The following RELN variants were observed in gnomAD, a reference collection of about 807,000 sequenced individuals.
RELN encodes reelin.
Under a neutral mutation model 427.6 loss-of-function variants are expected in RELN, and 108 were observed. That is an observed-to-expected ratio of 0.25 (90% CI 0.22 to 0.30). The LOEUF is 0.30. RELN is among the 10% of genes least tolerant of loss of function. RELN has a pLI of 1.00. For synonymous variants in RELN, 1,524 were observed against 1,513.4 expected (o/e 1.01, Z -0.16); for missense variants, 3,715 against 4,302.8 (o/e 0.86, Z 3.82).
chr7:103,854,070 T>C (rs1367155682), intron 2 of RELN, among the ~76,000 whole-genome samples: 5 of 152,164 alleles, frequency 3.3e-5, no homozygotes, highest in African/African-American at 1.2e-4. Context: ...TGTATCGAAA[T>C]GTCACTCTGT....
chr7:103,838,208 C>CAAGAAAAAAAAAAAA (rs1491227842), intron 2 of RELN, among the ~76,000 whole-genome samples: 1 of 81,082 alleles, frequency 1.2e-5, no homozygotes, highest in African/African-American at 5.1e-5. Flanking sequence ...GACTTCGTCT[C>CAAGAAAAAAAAAAAA]AAAAAAAAAA....
chr7:103,780,068 C>G (rs939592445), intron 3 of RELN, among the ~76,000 whole-genome samples: 1 of 152,200 alleles, frequency 6.6e-6, no homozygotes, highest in Non-Finnish European at 1.5e-5. Context: ...GACTTGTATT[C>G]TCTACTCCAA....
intron 34 of RELN, among the ~76,000 whole-genome samples, chr7:103,564,713 A>T (rs1038660415): frequency 2.6e-5 from 4 of 152,158 alleles, no homozygotes; most frequent in Admixed American, 6.5e-5. Context: ...CAGGAGGTAC[A>T]GCCTCTAACC....
intron 17 of RELN, among the ~76,000 whole-genome samples, chr7:103,638,857 TA>T (rs1419289082): frequency 1.3e-5 from 2 of 152,222 alleles, no homozygotes; most frequent in African/African-American, 4.8e-5. Flanking sequence ...ATGGTAGCCT[TA>T]ATGAAACCAC....
chr7:103,520,373 T>A (rs911134878), intron 48 of RELN, among the ~76,000 whole-genome samples: 2 of 152,102 alleles, frequency 1.3e-5, no homozygotes, highest in Non-Finnish European at 2.9e-5. Context: ...TCTCCTGGGT[T>A]CAAGTGATTC....
intron 12 of RELN, among the ~76,000 whole-genome samples, chr7:103,660,096 AC>A (rs1833106318): frequency 6.6e-6 from 1 of 152,166 alleles, no homozygotes; most frequent in African/African-American, 2.4e-5. Context: ...TATAATGATG[AC>A]TTAATCTCAT....
chr7:103,924,986 A>G (rs1372948098), intron 1 of RELN, among the ~76,000 whole-genome samples: 2 of 7,464 alleles, frequency 2.7e-4, no homozygotes, highest in Non-Finnish European at 8.3e-4. Context: ...GCATGCGCAT[A>G]CACATACACA....
intron 48 of RELN, among the ~76,000 whole-genome samples, chr7:103,520,954 G>GTTTTTTTTTTTTTTTTTTT (rs1462369530): frequency 2.6e-5 from 2 of 78,190 alleles, no homozygotes; most frequent in Non-Finnish European, 4.9e-5. Context: ...CAGTAAATTT[G>GTTTTTTTTTTTTTTTTTTT]TTATTTTTTT....
intron 51 of RELN, among the ~76,000 whole-genome samples, chr7:103,510,112 C>T (rs1829356456): frequency 6.6e-6 from 1 of 152,126 alleles, no homozygotes; most frequent in African/African-American, 2.4e-5. Flanking sequence ...CTAGAAATAC[C>T]ATTGCACCCA....
At chr7:103,709,454 G>A (rs1789736012) in intron 8 of RELN, among the ~76,000 whole-genome samples, 2 of 152,184 alleles carry the variant, frequency 1.3e-5, no homozygotes, top group South Asian at 4.1e-4. Context: ...TAATAACCAT[G>A]TTTTTAGCCA....
At chr7:103,776,363 C>T (rs1282964738) in intron 4 of RELN, among the ~76,000 whole-genome samples, 194 bp downstream of exon 4, 2 of 152,164 alleles carry the variant, frequency 1.3e-5, no homozygotes, top group South Asian at 2.1e-4. Context: ...TTTGCTCACA[C>T]TTAGTATCTT....
At chr7:103,496,379 C>A in intron 56 of RELN, 147 bp downstream of exon 56, 1 of 1,115,062 alleles carries the variant, frequency 9.0e-7, no homozygotes, top group Non-Finnish European at 1.3e-6. Context: ...ATTTATAAAC[C>A]ACTGGGCAAA....
chr7:103,638,511 C>T (rs1295880944), intron 17 of RELN, among the ~76,000 whole-genome samples: 25 of 151,780 alleles, frequency 1.6e-4, no homozygotes, highest in Admixed American at 1.6e-3. Context: ...GTCCCAGATT[C>T]AATGATTTGT....
At chr7:103,858,205 T>G (rs1793991525) in intron 2 of RELN, among the ~76,000 whole-genome samples, 1 of 152,164 alleles carries the variant, frequency 6.6e-6, no homozygotes, top group Non-Finnish European at 1.5e-5. Flanking sequence ...CCTAGCTGGG[T>G]GGCCTTGGTC....
intron 12 of RELN, among the ~76,000 whole-genome samples, chr7:103,660,635 G>T (rs1021230872): frequency 2.0e-5 from 3 of 152,148 alleles, no homozygotes; most frequent in South Asian, 2.1e-4. Flanking sequence ...TAAGTTCAAA[G>T]GTAGACAGTG....
At chr7:103,518,489 C>T (rs1215653667) in intron 49 of RELN, among the ~76,000 whole-genome samples, 1 of 119,674 alleles carries the variant, frequency 8.4e-6, no homozygotes, top group African/African-American at 4.4e-5. Context: ...CATGCCACCA[C>T]ACCCAGGTAA....
At chr7:103,633,406 C>A (rs1357129666) in intron 19 of RELN, among the ~76,000 whole-genome samples, 1 of 151,480 alleles carries the variant, frequency 6.6e-6, no homozygotes. Flanking sequence ...TCCCCTTCTG[C>A]CATGTCACCT....
rs148569259 is a variant in RELN, at chr7:103,534,732, C to T, written c.7349+584G>A. 5.3e-5 allele frequency among the ~76,000 whole-genome samples: 8 copies of T among 152,200 alleles called. No individual in the cohort carries two copies. The East Asian group carries it at 1.5e-3, about 29-fold the overall frequency. Reference sequence around the variant, plus strand: ...TCTTGAACTCCTAGTCTCAAGTGATCCTTCCGTACCAGGCAATTTTATTAA... The same window carrying T: ...TCTTGAACTCCTAGTCTCAAGTGATTCTTCCGTACCAGGCAATTTTATTAA... On this transcript the variant is annotated intron_variant, in intron 46 of 64. Coordinates refer to ENST00000428762, the MANE Select transcript of RELN (RefSeq NM_005045.4).
intron 10 of RELN, among the ~76,000 whole-genome samples, chr7:103,691,246 T>C (rs1446692743): frequency 2.0e-5 from 3 of 152,116 alleles, no homozygotes; most frequent in Admixed American, 6.6e-5. Context: ...TTTGGTCTTA[T>C]ATCTGAAACT....
Sources: allele counts gnomAD v4.1 joint callset (sites outside exome capture counted in the v4.1 genomes callset), GRCh38; gene constraint gnomAD v4.1.1; transcripts MANE v1.5; gene names NCBI Gene and HGNC (gene_info 2026-07-23, HGNC 2026-07-21).